The following PCDH15 variants were observed in gnomAD, a reference collection of about 807,000 sequenced individuals.
PCDH15 encodes the protein protocadherin related 15.
PCDH15 carries 129 observed loss-of-function variants against 178.5 expected under a neutral mutation model. That is an observed-to-expected ratio of 0.72 (90% CI 0.63 to 0.84). The LOEUF (loss-of-function observed/expected upper bound fraction) is 0.84. Ranked by LOEUF, PCDH15 falls within the 40% of genes least tolerant of loss-of-function variation. The probability of loss-of-function intolerance (pLI) is 0.00; values close to 1 mark genes in which losing one functional copy is unlikely to be tolerated. For missense variants in PCDH15, 2,230 were observed against 2,099.9 expected (o/e 1.06, Z -1.21); for synonymous variants, 800 against 732.0 (o/e 1.09, Z -1.50).
chr10:54,164,663 C>T (rs2046035725), intron 13 of PCDH15, among the ~76,000 whole-genome samples: 1 of 152,104 alleles, frequency 6.6e-6, no homozygotes, highest in African/African-American at 2.4e-5. Flanking sequence ...ATGAAATATG[C>T]TCTGGTGATA....
At chr10:54,357,392 A>G (rs1240124717) in intron 5 of PCDH15, among the ~76,000 whole-genome samples, 4 of 152,208 alleles carry the variant, frequency 2.6e-5, no homozygotes, top group African/African-American at 7.2e-5. Context: ...GAGCCAAATC[A>G]TGAGTGATCT....
At chr10:54,797,949 C>T (rs150203318) in intron 1 of PCDH15, among the ~76,000 whole-genome samples, 15 of 152,024 alleles carry the variant, frequency 9.9e-5, no homozygotes, top group African/African-American at 3.1e-4. Context: ...TCAAGCTAGT[C>T]GCTCTCACAT....
At chr10:54,359,010 G>A (rs1398540110) in intron 5 of PCDH15, among the ~76,000 whole-genome samples, 1 of 128,302 alleles carries the variant, frequency 7.8e-6, no homozygotes, top group Non-Finnish European at 1.6e-5. Context: ...GGGGACTGTT[G>A]TGGGGTGGGG....
At chr10:55,531,422 T>A (rs1040141144) in intron 2 of PCDH15, among the ~76,000 whole-genome samples, 1 of 151,994 alleles carries the variant, frequency 6.6e-6, no homozygotes, top group South Asian at 2.1e-4. Flanking sequence ...TTAATGGCTA[T>A]TAAAGTAGAC....
chr10:54,810,965 G>A (rs1952853875), intron 3 of PCDH15, among the ~76,000 whole-genome samples: 1 of 152,026 alleles, frequency 6.6e-6, no homozygotes, highest in Admixed American at 6.6e-5. Flanking sequence ...TGGAGGATAA[G>A]TCAACAAGGA....
intron 8 of PCDH15, among the ~76,000 whole-genome samples, chr10:54,299,053 C>T (rs556691297): frequency 1.3e-5 from 2 of 152,156 alleles, no homozygotes; most frequent in Non-Finnish European, 2.9e-5. Flanking sequence ...AAGTGGCAGT[C>T]TTATACTGCC....
intron 8 of PCDH15, among the ~76,000 whole-genome samples, chr10:54,257,900 A>T (rs946533720): frequency 1.3e-5 from 2 of 152,178 alleles, no homozygotes; most frequent in Non-Finnish European, 2.9e-5. Context: ...TCAATAAAAA[A>T]TTGCTAAGGA....
intron 16 of PCDH15, among the ~76,000 whole-genome samples, chr10:54,089,264 C>T (rs1372388306): frequency 3.3e-5 from 5 of 152,154 alleles, no homozygotes; most frequent in Non-Finnish European, 7.4e-5. Context: ...TAATCATTGG[C>T]CAAGTTTACA....
intron 2 of PCDH15, among the ~76,000 whole-genome samples, chr10:55,478,633 AAATAAAT>A (rs1032817827): frequency 1.3e-5 from 2 of 151,296 alleles, no homozygotes; most frequent in Admixed American, 6.6e-5. Flanking sequence ...TAGGAGAAGG[AAATAAAT>A]AATAAAGATT....
chr10:53,968,909 G>C (rs1589680345), intron 21 of PCDH15, among the ~76,000 whole-genome samples: 1 of 152,162 alleles, frequency 6.6e-6, no homozygotes, highest in African/African-American at 2.4e-5. Context: ...AGAAACCAGA[G>C]CAGAAAAGTT....
At chr10:55,219,970 A>G (rs1840823945) in intron 1 of PCDH15, among the ~76,000 whole-genome samples, 1 of 151,822 alleles carries the variant, frequency 6.6e-6, no homozygotes, top group South Asian at 2.1e-4. Context: ...ACTCTCCAAT[A>G]TCTTTAAGGG....
intron 26 of PCDH15, among the ~76,000 whole-genome samples, chr10:53,896,063 A>G (rs541523660): frequency 1.1e-4 from 17 of 152,256 alleles, no homozygotes; most frequent in Non-Finnish European, 2.2e-4. Flanking sequence ...CTACTGCATA[A>G]ATCAATGTTT....
At chr10:54,640,106 T>C (rs2093956516) in intron 2 of PCDH15, among the ~76,000 whole-genome samples, 1 of 151,806 alleles carries the variant, frequency 6.6e-6, no homozygotes, top group South Asian at 2.1e-4. Context: ...AATAAATAAA[T>C]AAAAACCAGT....
intron 1 of PCDH15, among the ~76,000 whole-genome samples, chr10:55,194,764 G>T (rs1023897873): frequency 6.6e-6 from 1 of 151,462 alleles, no homozygotes; most frequent in Non-Finnish European, 1.5e-5. Flanking sequence ...AATATAAGCC[G>T]AACGTGATGA....
intron 3 of PCDH15, among the ~76,000 whole-genome samples, chr10:54,876,524 T>C (rs1421342437): frequency 5.9e-5 from 9 of 152,096 alleles, no homozygotes; most frequent in African/African-American, 2.2e-4. Context: ...ATTAAGAACA[T>C]TCATGATTTA....
At chr10:54,669,540 AC>A (rs2135485862) in intron 1 of PCDH15, among the ~76,000 whole-genome samples, 1 of 150,634 alleles carries the variant, frequency 6.6e-6, no homozygotes, top group African/African-American at 2.4e-5. Context: ...ATTATCGCCC[AC>A]TTTTTTAAAG....
intron 2 of PCDH15, among the ~76,000 whole-genome samples, chr10:54,590,341 T>A (rs879758642): frequency 1.3e-5 from 2 of 152,176 alleles, no homozygotes; most frequent in African/African-American, 2.4e-5. Flanking sequence ...GATTTTATCA[T>A]CCCTTGCTGG....
rs533714004 is a variant in PCDH15, at chr10:55,070,179, C to T, written c.-80+96397G>A. ...GTTCATTGTAGATTCTGGATATTAG[C>T]CCTTTGTCAGATGAGTAGGTTGCGA... is the stretch of plus-strand genomic sequence containing the variant. On this transcript the variant is annotated intron_variant, in intron 2 of 5. Transcript: ENST00000458638. Among the ~76,000 whole-genome samples, 659 of 151,908 alleles carry T rather than the reference C, an allele frequency of 4.3e-3. 4 individuals are homozygous for T. Among genetic ancestry groups the T allele is most frequent in the Middle Eastern group, 0.017 (5 of 294 alleles).
At chr10:54,803,795 A>G (rs1378889809), upstream of PCDH15, among the ~76,000 whole-genome samples, 1 of 152,224 alleles carries the variant, frequency 6.6e-6, no homozygotes, top group Non-Finnish European at 1.5e-5. Context: ...TAGGTGCTTT[A>G]GAAAGATTTT....
Sources: allele counts gnomAD v4.1 joint callset (sites outside exome capture counted in the v4.1 genomes callset), GRCh38; gene constraint gnomAD v4.1.1; transcripts MANE v1.5; gene names NCBI Gene and HGNC (gene_info 2026-07-23, HGNC 2026-07-21).